HIVEP1: variants seen among roughly 807,000 people sequenced by gnomAD.
HIVEP1 encodes the protein HIVEP zinc finger 1.
HIVEP1 carries 36 observed loss-of-function variants against 180.0 expected under a neutral mutation model. That is an observed-to-expected ratio of 0.20 (90% CI 0.15 to 0.26). The LOEUF (loss-of-function observed/expected upper bound fraction) is 0.26, where lower values mean the gene tolerates loss of function less well. Among genes scored for constraint, HIVEP1 ranks in the 10% least tolerant of loss-of-function variants. HIVEP1 has a pLI of 1.00. For synonymous variants in HIVEP1, 1,239 were observed against 1,239.0 expected (o/e 1.00, Z 0.00); for missense variants, 3,143 against 3,268.7 (o/e 0.96, Z 0.94).
intron 2 of HIVEP1, among the ~76,000 whole-genome samples, chr6:12,020,703 A>G (rs1768128024): frequency 6.6e-6 from 1 of 152,178 alleles, no homozygotes; most frequent in Non-Finnish European, 1.5e-5. Flanking sequence ...AGGGTTTCAG[A>G]GCTTCATTTC....
chr6:12,037,817 C>G (rs1485002209), intron 2 of HIVEP1: 2 of 429,732 alleles, frequency 4.7e-6, no homozygotes. Flanking sequence ...GGCTTGTCCC[C>G]TTCCTGCTTT....
chr6:12,123,246 C>G lies in HIVEP1; in HGVS notation c.3451C>G (p.Pro1151Ala), dbSNP rs1406365211. Residue 1151 changes from proline to alanine, a missense_variant, in exon 4 of 9, where the codon CCT becomes GCT. Coordinates refer to ENST00000379388, the MANE Select transcript of HIVEP1 (RefSeq NM_002114.4). ...SLSRPNSFDK[P>A]EPFERASPVS... Reference sequence around the variant, plus strand: ...GAGCAGGCCCAACTCATTTGACAAGCCTGAGCCTTTTGAAAGAGCCTCCCC... The same window carrying G: ...GAGCAGGCCCAACTCATTTGACAAGGCTGAGCCTTTTGAAAGAGCCTCCCC... 1.2e-6 allele frequency: 2 copies of G among 1,614,156 alleles called. No homozygotes were observed. The highest frequency in any genetic ancestry group is 1.1e-5 in the South Asian group (1 of 91,080).
chr6:12,053,439 A>G (rs1770663539), intron 2 of HIVEP1, among the ~76,000 whole-genome samples: 1 of 152,184 alleles, frequency 6.6e-6, no homozygotes, highest in Admixed American at 6.5e-5. Flanking sequence ...AAGCCATGGA[A>G]AATTATTATA....
chr6:12,125,813 C>A lies in HIVEP1; in HGVS notation c.6018C>A (p.Thr2006=), dbSNP rs759510179. ...CACTATACTGTCAAGCAATAACTAC[C>A]CATTCCAAGTCAGACTTATTGGTCT... ...GKSLYCQAIT[T]HSKSDLLVYS... is the part of the protein sequence containing the mutation. The change falls in exon 4 of 9, where the codon ACC becomes ACA. Residue 2006 remains threonine (T), a synonymous_variant. Transcript: ENST00000379388. 3.7e-6 allele frequency: 6 copies of A among 1,613,494 alleles called. No individual in the cohort carries two copies. Among genetic ancestry groups the A allele is most frequent in the Non-Finnish European group, 5.1e-6 (6 of 1,179,708 alleles).
chr6:12,041,189 A>T (rs1237287014), intron 2 of HIVEP1, among the ~76,000 whole-genome samples: 1 of 152,124 alleles, frequency 6.6e-6, no homozygotes, highest in Non-Finnish European at 1.5e-5. Flanking sequence ...TGGGAGGCTG[A>T]GGCAGGCGGA....
intron 1 of HIVEP1, among the ~76,000 whole-genome samples, chr6:12,014,117 A>G (rs146359327): frequency 6.6e-6 from 1 of 152,322 alleles, no homozygotes; most frequent in East Asian, 1.9e-4. Flanking sequence ...TGTGGATAAT[A>G]TTTCCTAATT....
rs1760588766 is a variant in HIVEP1 at position 12,164,045 on chromosome 6, A to G, written c.7741A>G (p.Thr2581Ala). ...MPASQSKACE[T>A]QPKQTSVASA... Reference sequence around the variant, plus strand: ...AGCTTCCCAAAGCAAAGCATGCGAGACACAACCCAAGCAGACTTCTGTAGC... The same window carrying G: ...AGCTTCCCAAAGCAAAGCATGCGAGGCACAACCCAAGCAGACTTCTGTAGC... Residue 2581 changes from threonine to alanine, a missense_variant, in exon 9 of 9, where the codon ACA becomes GCA. Transcript: ENST00000379388. 6.2e-7 allele frequency: 1 copy of G among 1,614,028 alleles called. No homozygotes were observed. Among genetic ancestry groups the G allele is most frequent in the African/African-American group, 1.3e-5 (1 of 74,904 alleles).
chr6:12,145,041 A>C (rs977012327), intron 7 of HIVEP1, among the ~76,000 whole-genome samples: 8 of 152,352 alleles, frequency 5.3e-5, no homozygotes, highest in African/African-American at 1.9e-4. Flanking sequence ...AAGGATTATA[A>C]ATCATGCTAC....
upstream of HIVEP1, chr6:12,008,270 CTTT>C (rs1352992118): frequency 6.6e-6 from 1 of 152,166 alleles, no homozygotes; most frequent in Admixed American, 6.5e-5. Flanking sequence ...TTATTCTTGT[CTTT>C]TCAAGGCTGC....
intron 3 of HIVEP1, among the ~76,000 whole-genome samples, chr6:12,105,455 G>A (rs552635109): frequency 5.2e-4 from 79 of 152,246 alleles, no homozygotes; most frequent in Non-Finnish European, 1.0e-3. Flanking sequence ...TCCTCTCCAG[G>A]ATCTTGGCTC....
upstream of HIVEP1, chr6:12,008,791 A>C (rs1038842965): frequency 1.3e-5 from 2 of 152,070 alleles, no homozygotes; most frequent in Non-Finnish European, 2.9e-5. Context: ...CCAACCTAGG[A>C]GGCTTTTGGT....
At chr6:12,128,409 C>G (rs1420416287) in intron 4 of HIVEP1, among the ~76,000 whole-genome samples, 1 of 152,154 alleles carries the variant, frequency 6.6e-6, no homozygotes, top group Non-Finnish European at 1.5e-5. Flanking sequence ...TGAACAGACT[C>G]TTATCTCTTA....
chr6:12,176,048 C>G, the HIVEP1 span, among the ~76,000 whole-genome samples: 2 of 152,152 alleles, frequency 1.3e-5, no homozygotes, highest in Non-Finnish European at 2.9e-5. Context: ...ACTTAGTGAG[C>G]TGCCTCTGCA....
At chr6:12,011,280 C>G (rs1334659028), upstream of HIVEP1, among the ~76,000 whole-genome samples, 3 of 105,412 alleles carry the variant, frequency 2.8e-5, no homozygotes, top group Non-Finnish European at 6.1e-5. Context: ...TCCCCCCCCC[C>G]CCCCGCCTCC....
chr6:12,023,220 A>ATGTGG (rs1768362488), intron 2 of HIVEP1, among the ~76,000 whole-genome samples: 2 of 152,206 alleles, frequency 1.3e-5, no homozygotes, highest in Admixed American at 1.3e-4. Context: ...TTTGCTATCA[A>ATGTGG]TTGTGGGCCT....
At chr6:12,144,065 G>A (rs575636016) in intron 7 of HIVEP1, among the ~76,000 whole-genome samples, 3 of 152,206 alleles carry the variant, frequency 2.0e-5, no homozygotes, top group South Asian at 2.1e-4. Context: ...AACAGCCCAC[G>A]TTGCCAAGAC....
At chr6:12,036,780 C>T (rs147721456) in intron 2 of HIVEP1, among the ~76,000 whole-genome samples, 355 of 152,288 alleles carry the variant, frequency 2.3e-3, no homozygotes, top group African/African-American at 7.8e-3. Flanking sequence ...TGGTGGCGCA[C>T]GCCTGTAATC....
intron 3 of HIVEP1, among the ~76,000 whole-genome samples, chr6:12,102,879 A>G (rs1774195190): frequency 6.6e-6 from 1 of 152,212 alleles, no homozygotes; most frequent in African/African-American, 2.4e-5. Flanking sequence ...TCTTAAGTAC[A>G]TACTTATAAA....
In HIVEP1 at chr6:12,124,577, T is replaced by C; in HGVS notation, c.4782T>C (p.His1594=). 2 of 1,614,098 alleles carry C rather than the reference T, an allele frequency of 1.2e-6. No homozygotes were observed. Among genetic ancestry groups the C allele is most frequent in the Non-Finnish European group, 1.7e-6 (2 of 1,180,000 alleles). The change falls in exon 4 of 9, where the codon CAT becomes CAC. Residue 1594 remains histidine, a synonymous_variant. Transcript: ENST00000379388. The part of the protein sequence containing the change: ...QVISDPVGTD[H]CVTSATLPTK... ...TTTCAGATCCAGTTGGAACAGATCATTGTGTGACATCAGCAACATTACCAA... is the reference window on the plus strand; with the variant it reads ...TTTCAGATCCAGTTGGAACAGATCACTGTGTGACATCAGCAACATTACCAA...
Sources: allele counts gnomAD v4.1 joint callset (sites outside exome capture counted in the v4.1 genomes callset), GRCh38; gene constraint gnomAD v4.1.1; transcripts MANE v1.5; gene names NCBI Gene and HGNC (gene_info 2026-07-23, HGNC 2026-07-21).